Variants in ERBIN observed in about 807,000 individuals in gnomAD.
ERBIN encodes the protein erbb2 interacting protein.
In ERBIN, 60 loss-of-function variants were observed where a neutral mutation model predicts 158.4. The ratio of observed to expected loss-of-function variants is 0.38; its 90% CI spans 0.31 to 0.47. The LOEUF (loss-of-function observed/expected upper bound fraction) is 0.47. Among genes scored for constraint, ERBIN ranks in the 20% least tolerant of loss-of-function variants. The pLI is 0.99. For missense variants in ERBIN, 1,610 were observed against 1,648.0 expected, an observed-to-expected ratio of 0.98 and a Z score of 0.40; for synonymous variants, 594 against 557.2, an observed-to-expected ratio of 1.07 and a Z score of -0.93.
intron 7 of ERBIN, among the ~76,000 whole-genome samples, chr5:66,018,454 T>TTATATAATA (rs1554058715): frequency 1.8e-4 from 4 of 21,976 alleles, no homozygotes; most frequent in Non-Finnish European, 3.4e-4. Flanking sequence ...ATAATATATA[T>TTATATAATA]TATATTATAT....
At chr5:66,026,584 A>G (rs756781621) in intron 13 of ERBIN, among the ~76,000 whole-genome samples, 167 bp downstream of exon 13, 3 of 152,008 alleles carry the variant, frequency 2.0e-5, no homozygotes, top group Non-Finnish European at 2.9e-5. Flanking sequence ...TTTCAGTGAA[A>G]CAACATACAA....
chr5:66,053,771 C>T lies in ERBIN; in HGVS notation c.2453C>T (p.Ser818Phe), dbSNP rs1759294515. 6.2e-7 allele frequency: 1 copy of T among 1,613,616 alleles called. No individual in the cohort carries two copies. Among genetic ancestry groups the T allele is most frequent in the African/African-American group, 1.3e-5 (1 of 74,894 alleles). Residue 818 changes from serine (S) to phenylalanine (F), a missense_variant, in exon 21 of 26, where the codon TCC becomes TTC. Coordinates refer to ENST00000284037, the MANE Select transcript of ERBIN (RefSeq NM_001253697.2). ...GGAAACAAGTATCCTAATTTGGAAT[C>T]CGTAAATAAGGTAAATGGACATTCT... ...ENGNKYPNLE[S>F]VNKVNGHSEE...
chr5:66,050,911 A>C lies in ERBIN; in HGVS notation c.2032A>C (p.Thr678Pro). 6.2e-7 allele frequency: 1 copy of C among 1,606,738 alleles called. No homozygotes were observed. The highest frequency in any genetic ancestry group is 8.5e-7 in the Non-Finnish European group (1 of 1,178,000). The change falls in exon 20 of 26, where the codon ACC (threonine) becomes CCC (proline). Residue 678 changes from threonine to proline, a missense_variant. Transcript: ENST00000284037. The stretch of plus-strand genomic sequence containing the variant: ...TCTTAATACTGATAGTAGTCAAGAC[A>C]CCTCACTCTGCTCTCCAGTGAAACA... ...VSLNTDSSQD[T>P]SLCSPVKQTH... is the part of the protein sequence containing the mutation.
rs746834909 is a variant in ERBIN at position 66,054,254 on chromosome 5, T to C, written c.2936T>C (p.Ile979Thr). Residue 979 changes from isoleucine to threonine, a missense_variant, in exon 21 of 26, where the codon ATC becomes ACC. By Grantham distance (89) the Ile-to-Thr change is moderately conservative (BLOSUM62 -1). Around this residue, in one of 2 missense-constraint regions of ERBIN, gnomAD observed 1,014 missense variants for 936.1 expected, o/e 1.08. Coordinates refer to ENST00000284037, the MANE Select transcript of ERBIN (RefSeq NM_001253697.2). ...ATATATGGTCCTCCACAGTATAATA[T>C]CCAATACAGTAGCAGTGCTGCAGTC... Reference protein sequence around the residue: ...PQIYGPPQYNIQYSSSAAVKD... With the variant: ...PQIYGPPQYNTQYSSSAAVKD... 64 of 1,613,954 alleles carry C rather than the reference T, an allele frequency of 4.0e-5. No homozygotes were observed. The highest frequency in any genetic ancestry group is 8.3e-5 in the Admixed American group (5 of 59,994).
rs193143680 is a variant in ERBIN, at chr5:65,965,627, A to G, written c.-57-23008A>G. 3.3e-5 allele frequency among the ~76,000 whole-genome samples: 5 copies of G among 152,192 alleles called. No individual in the cohort carries two copies. The East Asian group carries it at 7.7e-4, about 24-fold the overall frequency. ...AGGCTAATCTTGAACTTCTGAGTTCAAGTGGTTTGCCCACCTCGGCCTCCC... is the reference window on the plus strand; with the variant it reads ...AGGCTAATCTTGAACTTCTGAGTTCGAGTGGTTTGCCCACCTCGGCCTCCC... On this transcript the variant is annotated intron_variant, in intron 1 of 25. Transcript: ENST00000284037.
intron 1 of ERBIN, among the ~76,000 whole-genome samples, chr5:65,983,718 A>G (rs953187337): frequency 6.6e-6 from 1 of 152,210 alleles, no homozygotes; most frequent in Non-Finnish European, 1.5e-5. Context: ...CCGAGTATAC[A>G]TGTGTGCCTC....
chr5:66,028,532 G>A (rs1236934452), intron 14 of ERBIN, among the ~76,000 whole-genome samples, 189 bp downstream of exon 14: 4 of 152,052 alleles, frequency 2.6e-5, no homozygotes, highest in Admixed American at 2.0e-4. Context: ...AGATTTATAA[G>A]TAATGAATTA....
At chr5:65,934,495 C>T (rs1236449905) in intron 1 of ERBIN, among the ~76,000 whole-genome samples, 1 of 152,012 alleles carries the variant, frequency 6.6e-6, no homozygotes, top group Non-Finnish European at 1.5e-5. Flanking sequence ...TAGAATACCC[C>T]TCAATTTTCA....
rs1474160145 is a variant in ERBIN at position 66,001,152 on chromosome 5, TTGAAATTATTAAAATGTAATTTCA to T, written c.307+6304_307+6327del. ...AGTACATTTAAGCAAATGTAATATTTTGAAATTATTAAAATGTAATTTCATGAAATTATTAAAATTTAATAATAT... is the reference window on the plus strand; with the variant it reads ...AGTACATTTAAGCAAATGTAATATTTTGAAATTATTAAAATTTAATAATAT... On this transcript the variant is annotated intron_variant, in intron 4 of 25. Coordinates refer to ENST00000284037, the MANE Select transcript of ERBIN (RefSeq NM_001253697.2). Among the ~76,000 whole-genome samples the T allele has an allele frequency of 3.9e-5, 6 of 152,302 alleles. No homozygotes were observed. The South Asian group carries it at 1.0e-3, about 26-fold the overall frequency.
chr5:65,965,379 G>GTTT (rs1561304820), intron 1 of ERBIN, among the ~76,000 whole-genome samples: 40 of 103,664 alleles, frequency 3.9e-4, no homozygotes, highest in Admixed American at 1.7e-3. Flanking sequence ...TTTGTTTTTT[G>GTTT]TTGTTTTTTT....
chr5:65,942,796 A>T (rs1053405654), intron 1 of ERBIN, among the ~76,000 whole-genome samples: 1 of 151,904 alleles, frequency 6.6e-6, no homozygotes, highest in East Asian at 1.9e-4. Context: ...GTGGTTGCGC[A>T]TGCCTGTAAT....
intron 1 of ERBIN, among the ~76,000 whole-genome samples, chr5:65,970,756 T>C (rs944571309): frequency 2.0e-5 from 3 of 151,980 alleles, no homozygotes; most frequent in African/African-American, 7.2e-5. Context: ...GCCTGGCTAA[T>C]TTTATTTTTA....
intron 1 of ERBIN, among the ~76,000 whole-genome samples, chr5:65,938,576 G>A (rs900128635): frequency 2.0e-5 from 3 of 151,658 alleles, no homozygotes; most frequent in African/African-American, 4.8e-5. Flanking sequence ...TTCTTGAGAC[G>A]GAGTCTTCCT....
intron 22 of ERBIN, among the ~76,000 whole-genome samples, chr5:66,073,397 C>T (rs1761701629): frequency 6.7e-6 from 1 of 149,938 alleles, no homozygotes; most frequent in African/African-American, 2.5e-5. Flanking sequence ...AAGTAATAAA[C>T]AGGTTTTTTT....
At chr5:66,045,883 C>T (rs1377112329) in intron 17 of ERBIN, among the ~76,000 whole-genome samples, 2 of 152,214 alleles carry the variant, frequency 1.3e-5, no homozygotes, top group Non-Finnish European at 1.5e-5. Context: ...AGACAGTTGG[C>T]ATTTCCTTGC....
intron 14 of ERBIN, among the ~76,000 whole-genome samples, chr5:66,035,516 A>G (rs1462123284): frequency 1.3e-5 from 2 of 152,112 alleles, no homozygotes; most frequent in Non-Finnish European, 2.9e-5. Context: ...CTTTATCCCT[A>G]CTACCACTTC....
intron 2 of ERBIN, among the ~76,000 whole-genome samples, chr5:65,990,151 G>A (rs1242489499): frequency 5.9e-5 from 9 of 152,178 alleles, no homozygotes; most frequent in Admixed American, 5.9e-4. Flanking sequence ...AATTCTGAAG[G>A]AGGAGTATGT....
chr5:65,964,908 T>TTGTGTGTGTGTGTGTGTGTGTG (rs70987104), intron 1 of ERBIN, among the ~76,000 whole-genome samples: 1 of 107,260 alleles, frequency 9.3e-6, no homozygotes, highest in Admixed American at 1.1e-4. Context: ...CCTGGCTGAT[T>TTGTGTGTGTGTGTGTGTGTGTG]TGTGTGTGTG....
At chr5:66,021,918 A>G (rs1755734684) in intron 8 of ERBIN, among the ~76,000 whole-genome samples, 1 of 152,026 alleles carries the variant, frequency 6.6e-6, no homozygotes, top group African/African-American at 2.4e-5. Context: ...GTAGTGTTTA[A>G]GTAGCTTTTG....
Sources: allele counts gnomAD v4.1 joint callset (sites outside exome capture counted in the v4.1 genomes callset), GRCh38; gene constraint gnomAD v4.1.1; regional missense constraint gnomAD v4.1.1; transcripts MANE v1.5; gene names NCBI Gene and HGNC (gene_info 2026-07-23, HGNC 2026-07-21).